RANBP17: variants seen among roughly 807,000 people sequenced by gnomAD.
RANBP17 encodes the protein RAN binding protein 17.
RANBP17 carries 158 observed loss-of-function variants against 141.2 expected under a neutral mutation model. The ratio of observed to expected loss-of-function variants is 1.12; its 90% CI spans 0.98 to 1.28. The LOEUF is 1.28. Ranked by LOEUF, RANBP17 falls within the 50% of genes most tolerant of loss-of-function variation. The pLI is 0.00. For synonymous variants in RANBP17, 430 were observed against 450.0 expected, an observed-to-expected ratio of 0.96 and a Z score of 0.56; for missense variants, 1,438 against 1,290.7, an observed-to-expected ratio of 1.11 and a Z score of -1.75.
intron 24 of RANBP17, among the ~76,000 whole-genome samples, chr5:171,243,271 G>C (rs1765003090): frequency 6.6e-6 from 1 of 152,114 alleles, no homozygotes. Flanking sequence ...AAGTGGAATT[G>C]TATAATATGA....
At chr5:170,995,116 T>C (rs1262880140) in intron 14 of RANBP17, among the ~76,000 whole-genome samples, 2 of 152,154 alleles carry the variant, frequency 1.3e-5, no homozygotes, top group Non-Finnish European at 1.5e-5. Context: ...AGTCAAACTG[T>C]ATATTGCATT....
chr5:171,004,717 G>A (rs1253875869), intron 14 of RANBP17, among the ~76,000 whole-genome samples: 2 of 152,156 alleles, frequency 1.3e-5, no homozygotes, highest in Admixed American at 1.3e-4. Flanking sequence ...GGGCTTCAGG[G>A]GTTTTAGGAG....
intron 5 of RANBP17, chr5:170,904,037 G>C: frequency 2.1e-6 from 1 of 469,802 alleles, no homozygotes; most frequent in Non-Finnish European, 4.2e-6. Flanking sequence ...ATCACCAGCT[G>C]CTTCAGGCAG....
intron 14 of RANBP17, among the ~76,000 whole-genome samples, chr5:171,086,920 G>A (rs1488310868): frequency 2.2e-5 from 3 of 136,834 alleles, no homozygotes; most frequent in African/African-American, 8.3e-5. Flanking sequence ...ACCAGCTCCT[G>A]GATTCATTGA....
intron 19 of RANBP17, among the ~76,000 whole-genome samples, chr5:171,200,128 G>A (rs1762217574): frequency 6.6e-6 from 1 of 152,128 alleles, no homozygotes; most frequent in South Asian, 2.1e-4. Context: ...ATGGAGGAAT[G>A]CACAAACATA....
chr5:171,200,270 C>T (rs1469099200), intron 19 of RANBP17, among the ~76,000 whole-genome samples: 2 of 152,076 alleles, frequency 1.3e-5, no homozygotes, highest in African/African-American at 2.4e-5. Context: ...TTAAACGGAA[C>T]AAAGTGATTA....
At chr5:171,093,364 G>A (rs1263056187) in intron 14 of RANBP17, among the ~76,000 whole-genome samples, 2 of 151,886 alleles carry the variant, frequency 1.3e-5, no homozygotes, top group Non-Finnish European at 2.9e-5. Context: ...GCACATATAC[G>A]ACAATCAGTT....
chr5:171,167,627 T>C (rs528548047), intron 14 of RANBP17, among the ~76,000 whole-genome samples: 1 of 152,286 alleles, frequency 6.6e-6, no homozygotes, highest in African/African-American at 2.4e-5. Flanking sequence ...AACATACTCA[T>C]TCATATTTTC....
intron 1 of RANBP17, among the ~76,000 whole-genome samples, chr5:170,872,542 C>G (rs983955675): frequency 6.6e-6 from 1 of 152,158 alleles, no homozygotes; most frequent in African/African-American, 2.4e-5. Context: ...ACTTCCCATA[C>G]TGTGTTGAAT....
intron 14 of RANBP17, among the ~76,000 whole-genome samples, chr5:171,079,543 G>C (rs1235513270): frequency 6.6e-6 from 1 of 152,142 alleles, no homozygotes; most frequent in Non-Finnish European, 1.5e-5. Context: ...TTTCAATGTT[G>C]TTTTATTTTA....
intron 24 of RANBP17, among the ~76,000 whole-genome samples, chr5:171,263,370 G>A (rs1766461248): frequency 1.3e-5 from 2 of 152,324 alleles, no homozygotes; most frequent in South Asian, 2.1e-4. Flanking sequence ...TGTGGGTGGT[G>A]TCATGCTGAT....
At chr5:170,880,577 T>C (rs1474807815) in intron 2 of RANBP17, among the ~76,000 whole-genome samples, 1 of 152,218 alleles carries the variant, frequency 6.6e-6, no homozygotes, top group Non-Finnish European at 1.5e-5. Flanking sequence ...ATATCCAATT[T>C]TCTATTTTTT....
chr5:171,274,050 C>T (rs1767308113), intron 25 of RANBP17, among the ~76,000 whole-genome samples: 1 of 151,848 alleles, frequency 6.6e-6, no homozygotes, highest in Non-Finnish European at 1.5e-5. Context: ...ACTTTTCAAA[C>T]TTTCTTTTTC....
intron 13 of RANBP17, among the ~76,000 whole-genome samples, chr5:170,964,317 C>A (rs1024515316): frequency 1.1e-4 from 16 of 152,004 alleles, no homozygotes; most frequent in African/African-American, 3.6e-4. Context: ...TTATAAACAA[C>A]CTTAGTGTCC....
chr5:170,875,648 G>A (rs1352666821), intron 1 of RANBP17, among the ~76,000 whole-genome samples: 4 of 151,830 alleles, frequency 2.6e-5, no homozygotes, highest in Non-Finnish European at 5.9e-5. Context: ...GTGTTTTTCA[G>A]CTCCATCGGG....
At chr5:170,870,426 G>A (rs1767625894) in intron 1 of RANBP17, among the ~76,000 whole-genome samples, 1 of 151,316 alleles carries the variant, frequency 6.6e-6, no homozygotes, top group African/African-American at 2.4e-5. Flanking sequence ...GTGTCCATGT[G>A]TCTTCATTGT....
At chr5:171,214,497 CCTTTGTAAACTATGTGT>C (rs1258890932) in intron 21 of RANBP17, among the ~76,000 whole-genome samples, 7 of 152,074 alleles carry the variant, frequency 4.6e-5, no homozygotes, top group African/African-American at 1.7e-4. Context: ...CATGAGTTGC[CCTTTGTAAACTATGTGT>C]TTAGAAGGGA....
intron 14 of RANBP17, among the ~76,000 whole-genome samples, chr5:171,035,141 C>G (rs751590796): frequency 2.0e-5 from 3 of 152,074 alleles, no homozygotes; most frequent in Non-Finnish European, 2.9e-5. Flanking sequence ...GAAGGCCTTT[C>G]TGATAAGATG....
chr5:171,004,901 G>A (rs966302345), intron 14 of RANBP17, among the ~76,000 whole-genome samples: 5 of 152,148 alleles, frequency 3.3e-5, no homozygotes, highest in Non-Finnish European at 1.5e-5. Context: ...CTGTGGCTTG[G>A]ATGTTCTAAA....
Sources: allele counts gnomAD v4.1 joint callset (sites outside exome capture counted in the v4.1 genomes callset), GRCh38; gene constraint gnomAD v4.1.1; transcripts MANE v1.5; gene names NCBI Gene and HGNC (gene_info 2026-07-23, HGNC 2026-07-21).